Variants in SCAF8 observed in about 807,000 individuals in gnomAD.
SCAF8 encodes SR-related and CTD-associated factor 8.
SCAF8 carries 23 observed loss-of-function variants against 140.5 expected under a neutral mutation model. The observed-to-expected ratio is 0.16, with a 90% CI of 0.12 to 0.23. The LOEUF is 0.23. Among genes scored for constraint, SCAF8 ranks in the 10% least tolerant of loss-of-function variants. SCAF8 has a pLI of 1.00. For synonymous variants in SCAF8, 575 were observed against 528.9 expected (o/e 1.09, Z -1.20); for missense variants, 1,397 against 1,555.7 (o/e 0.90, Z 1.72).
In SCAF8 at chr6:154,832,698, G is replaced by T. The variant is rs1234481099; in HGVS notation, c.3119G>T (p.Gly1040Val). The change falls in exon 20 of 20, where the codon GGG becomes GTG. Residue 1040 changes from glycine (G) to valine (V), a missense_variant. Gly to Val is a moderately radical substitution (Grantham distance 109). Around this residue, in one of 5 missense-constraint regions of SCAF8, gnomAD observed 930 missense variants for 874.6 expected, o/e 1.06. Transcript: ENST00000367178. ...CCTGTGGATGTTAGAGATGTGGTTG[G>T]GCGGCCTATAGATCCAAGAGAAGGT... Reference protein sequence around the residue: ...PPPVDVRDVVGRPIDPREGPG... With the variant: ...PPPVDVRDVVVRPIDPREGPG... 1 of 1,613,978 alleles carries T rather than the reference G, an allele frequency of 6.2e-7. No homozygotes were observed. The highest frequency in any genetic ancestry group is 8.5e-7 in the Non-Finnish European group (1 of 1,179,992).
intron 19 of SCAF8, 111 bp downstream of exon 19, chr6:154,831,251 C>T (rs914583240): frequency 1.9e-5 from 12 of 639,080 alleles, no homozygotes; most frequent in Admixed American, 3.2e-5. Flanking sequence ...GCTGAAATGT[C>T]GCACTTTTTT....
chr6:154,754,885 C>G (rs987627660), intron 1 of SCAF8, among the ~76,000 whole-genome samples: 8 of 152,086 alleles, frequency 5.3e-5, no homozygotes, highest in African/African-American at 1.9e-4. Context: ...ATTTTATGTA[C>G]ATGTGCATTT....
intron 1 of SCAF8, among the ~76,000 whole-genome samples, chr6:154,759,311 G>A (rs1026834150): frequency 1.3e-5 from 2 of 152,172 alleles, no homozygotes; most frequent in South Asian, 2.1e-4. Flanking sequence ...AAATTTGTGT[G>A]TTGAATTAAA....
intron 5 of SCAF8, among the ~76,000 whole-genome samples, chr6:154,793,185 A>G (rs1241738918): frequency 6.6e-6 from 1 of 152,200 alleles, no homozygotes; most frequent in Non-Finnish European, 1.5e-5. Flanking sequence ...CATTTAATCC[A>G]CAGAAACATA....
intron 9 of SCAF8, among the ~76,000 whole-genome samples, chr6:154,805,974 T>C (rs992400179): frequency 6.6e-6 from 1 of 152,184 alleles, no homozygotes; most frequent in African/African-American, 2.4e-5. Context: ...TGTGGTAGGC[T>C]TGTATACATT....
chr6:154,766,250 G>A (rs1355319104), intron 1 of SCAF8, among the ~76,000 whole-genome samples: 3 of 152,078 alleles, frequency 2.0e-5, no homozygotes, highest in African/African-American at 2.4e-5. Context: ...AAGATGTGGA[G>A]GAGAGGGAAG....
chr6:154,793,044 T>G, intron 5 of SCAF8, 68 bp downstream of exon 5: 1 of 1,291,598 alleles, frequency 7.7e-7, no homozygotes, highest in Non-Finnish European at 1.0e-6. Flanking sequence ...ACTGTTCATA[T>G]AAAAAATAAT....
At chr6:154,770,581 AG>A (rs1293779662) in intron 1 of SCAF8, among the ~76,000 whole-genome samples, 1 of 151,670 alleles carries the variant, frequency 6.6e-6, no homozygotes, top group Non-Finnish European at 1.5e-5. Flanking sequence ...CTGAAGAAGG[AG>A]AAAAAAAAAA....
chr6:154,745,536 C>T (rs2075512006), intron 1 of SCAF8, among the ~76,000 whole-genome samples: 1 of 151,918 alleles, frequency 6.6e-6, no homozygotes, highest in Non-Finnish European at 1.5e-5. Flanking sequence ...ACCATGCCTG[C>T]CTGATTTTTT....
At chr6:154,820,992 A>G (rs1463434349) in intron 15 of SCAF8, among the ~76,000 whole-genome samples, 1 of 152,194 alleles carries the variant, frequency 6.6e-6, no homozygotes, top group Non-Finnish European at 1.5e-5. Context: ...AATTTTCAGA[A>G]TATTTGTTTC....
At chr6:154,734,790 C>G (rs544356989) in intron 1 of SCAF8, among the ~76,000 whole-genome samples, 1 of 152,190 alleles carries the variant, frequency 6.6e-6, no homozygotes, top group Non-Finnish European at 1.5e-5. Context: ...AAGTACACAT[C>G]TGCACAGTCA....
chr6:154,811,999 G>A (rs1028600900), intron 12 of SCAF8, among the ~76,000 whole-genome samples: 33 of 151,996 alleles, frequency 2.2e-4, no homozygotes, highest in Non-Finnish European at 3.1e-4. Flanking sequence ...CAGTAAATAC[G>A]TGTGCTGTTT....
At chr6:154,735,915 C>T (rs114914370) in intron 1 of SCAF8, among the ~76,000 whole-genome samples, 2,466 of 151,942 alleles carry the variant, frequency 0.016, 60 homozygotes, top group African/African-American at 0.046. Flanking sequence ...CATCCTTTGC[C>T]TCCCGGGCCC....
At chr6:154,807,408 T>C (rs1777952864) in intron 9 of SCAF8, among the ~76,000 whole-genome samples, 1 of 152,208 alleles carries the variant, frequency 6.6e-6, no homozygotes, top group Non-Finnish European at 1.5e-5. Flanking sequence ...TTTTATAAGG[T>C]AGATAGTATA....
intron 9 of SCAF8, among the ~76,000 whole-genome samples, chr6:154,807,484 A>C (rs1277300847): frequency 1.3e-5 from 2 of 152,222 alleles, no homozygotes; most frequent in Non-Finnish European, 1.5e-5. Context: ...AGGTTCAAGC[A>C]GTTCTCTGCC....
chr6:154,774,980 C>T (rs1319558176), intron 2 of SCAF8, among the ~76,000 whole-genome samples: 1 of 152,118 alleles, frequency 6.6e-6, no homozygotes, highest in East Asian at 1.9e-4. Context: ...TAAGTAGGTA[C>T]TAACCTATGA....
chr6:154,829,834 G>T (rs908378610), intron 18 of SCAF8, among the ~76,000 whole-genome samples: 3 of 152,196 alleles, frequency 2.0e-5, no homozygotes, highest in African/African-American at 7.2e-5. Context: ...TTGAACCCAG[G>T]AGGTGGAGGT....
At chr6:154,747,993 T>C (rs561046620) in intron 1 of SCAF8, among the ~76,000 whole-genome samples, 1 of 152,084 alleles carries the variant, frequency 6.6e-6, no homozygotes, top group South Asian at 2.1e-4. Flanking sequence ...TATTGAAAGT[T>C]GTTTACATTT....
At chr6:154,797,683 C>T (rs542770626) in intron 6 of SCAF8, among the ~76,000 whole-genome samples, 5 of 151,472 alleles carry the variant, frequency 3.3e-5, no homozygotes, top group South Asian at 4.2e-4. Flanking sequence ...TGTGAACCAC[C>T]GTGCCCAGCC....
Sources: allele counts gnomAD v4.1 joint callset (sites outside exome capture counted in the v4.1 genomes callset), GRCh38; gene constraint gnomAD v4.1.1; regional missense constraint gnomAD v4.1.1; transcripts MANE v1.5; gene names NCBI Gene and HGNC (gene_info 2026-07-23, HGNC 2026-07-21).